The following SLCO2A1 variants were observed in gnomAD, a reference collection of about 807,000 sequenced individuals.
The protein encoded by SLCO2A1 is solute carrier organic anion transporter family member 2A1, also known as matrin F/G 1.
SLCO2A1 carries 60 observed loss-of-function variants against 71.7 expected under a neutral mutation model. The observed-to-expected ratio is 0.84, with a 90% CI of 0.68 to 1.04. The LOEUF (loss-of-function observed/expected upper bound fraction) is 1.04, where lower values mean the gene tolerates loss of function less well. Ranked by LOEUF, SLCO2A1 falls within the 50% of genes least tolerant of loss-of-function variation. SLCO2A1 has a pLI of 0.00. For synonymous variants in SLCO2A1, 308 were observed against 326.7 expected, an observed-to-expected ratio of 0.94 and a Z score of 0.62; for missense variants, 745 against 813.4, an observed-to-expected ratio of 0.92 and a Z score of 1.02.
intron 1 of SLCO2A1, among the ~76,000 whole-genome samples, chr3:134,009,122 G>A (rs1313525039): frequency 6.6e-6 from 1 of 152,152 alleles, no homozygotes; most frequent in Non-Finnish European, 1.5e-5. Flanking sequence ...CAGACTGTAG[G>A]GCTTTTTAAT....
chr3:133,937,666 C>T (rs1222992683), intron 12 of SLCO2A1, among the ~76,000 whole-genome samples: 2 of 152,322 alleles, frequency 1.3e-5, no homozygotes, highest in South Asian at 2.1e-4. Flanking sequence ...TCCATATTCC[C>T]CTCTGTAGTT....
Position 133,934,083 on chromosome 3 carries a change from G to A in SLCO2A1, c.*630C>T, listed in dbSNP as rs1294824101. On this transcript the variant is annotated 3_prime_UTR_variant, in exon 14 of 14. Transcript: ENST00000310926. ...TCTGGTGCCTGCATGCAGGTAATGG[G>A]CAGAGACTGTACTTCCCAACATGGC... The A allele has an allele frequency of 6.6e-6, 1 of 152,320 alleles. No homozygotes were observed. Among genetic ancestry groups the A allele is most frequent in the Non-Finnish European group, 1.5e-5 (1 of 68,134 alleles). 9.4% of individuals were successfully genotyped at this position (152,320 alleles called of 1,614,324 possible). A position where few individuals can be genotyped will look rare whatever the true frequency, so the allele number is the denominator to read the frequency against.
rs556416557 is a variant in SLCO2A1, at chr3:133,951,325, C to T, written c.744G>A (p.Pro248=). 28 of 1,613,978 alleles carry T rather than the reference C, an allele frequency of 1.7e-5. No individual in the cohort carries two copies. The East Asian group carries it at 2.0e-4, about 12-fold the overall frequency. Residue 248 remains proline, a synonymous_variant, in exon 6 of 14, where the codon CCG becomes CCA. Coordinates refer to ENST00000310926, the MANE Select transcript of SLCO2A1 (RefSeq NM_005630.3). ...RVNTAAVNLV[P]GDPRWIGAWW... The stretch of plus-strand genomic sequence containing the variant: ...AGGCTCCAATCCATCGGGGGTCACC[C>T]GGGACCAAGTTAACTGCAGCTGAAG...
intron 3 of SLCO2A1, among the ~76,000 whole-genome samples, chr3:133,965,958 C>T (rs140940972): frequency 1.5e-4 from 23 of 152,204 alleles, no homozygotes; most frequent in African/African-American, 4.8e-4. Flanking sequence ...TCTAGGAAAA[C>T]GAGTGACATG....
At chr3:133,967,007 C>T (rs937608745) in intron 3 of SLCO2A1, among the ~76,000 whole-genome samples, 1 of 152,202 alleles carries the variant, frequency 6.6e-6, no homozygotes, top group African/African-American at 2.4e-5. Context: ...GGAACAGAAG[C>T]CCGCTTTCCT....
At chr3:133,999,717 T>C (rs1305515292) in intron 1 of SLCO2A1, among the ~76,000 whole-genome samples, 2 of 151,738 alleles carry the variant, frequency 1.3e-5, no homozygotes, top group African/African-American at 4.9e-5. Context: ...AAAAAAGGGG[T>C]CATCCCTAGT....
intron 1 of SLCO2A1, among the ~76,000 whole-genome samples, chr3:133,980,397 G>A (rs904704753): frequency 2.0e-5 from 3 of 152,224 alleles, no homozygotes; most frequent in African/African-American, 7.2e-5. Context: ...ATGGTGGATG[G>A]GAACAGATAA....
chr3:133,967,324 GC>G lies in SLCO2A1; in HGVS notation c.397+6338del, dbSNP rs1934204020. On this transcript the variant is annotated intron_variant, in intron 3 of 13. Coordinates refer to ENST00000310926, the MANE Select transcript of SLCO2A1 (RefSeq NM_005630.3). ...GCCCACAAAAACAGATGATAGAAAAGCCTGACAGAGAGTCAGCTACTTTTAT... is the reference window on the plus strand; with the variant it reads ...GCCCACAAAAACAGATGATAGAAAAGCTGACAGAGAGTCAGCTACTTTTAT... Among the ~76,000 whole-genome samples the G allele has an allele frequency of 6.6e-5, 10 of 152,298 alleles. No individual in the cohort carries two copies. The South Asian group carries it at 2.1e-3, about 32-fold the overall frequency.
chr3:134,026,004 G>A (rs78451825), intron 1 of SLCO2A1, among the ~76,000 whole-genome samples: 11,252 of 152,204 alleles, frequency 0.074, 501 homozygotes, highest in Middle Eastern at 0.14. Context: ...TATGTATGTG[G>A]AGGAACTGTA....
At chr3:133,999,193 C>T (rs1234171698) in intron 1 of SLCO2A1, among the ~76,000 whole-genome samples, 1 of 152,200 alleles carries the variant, frequency 6.6e-6, no homozygotes, top group Non-Finnish European at 1.5e-5. Flanking sequence ...TGGAGATACA[C>T]TCCTGAAGAT....
intron 3 of SLCO2A1, among the ~76,000 whole-genome samples, chr3:133,962,985 A>T (rs891568411): frequency 6.6e-6 from 1 of 152,120 alleles, no homozygotes. Flanking sequence ...GGAAGGCTCA[A>T]GTTCATCAGA....
At chr3:134,017,178 C>T (rs1935471184) in intron 1 of SLCO2A1, among the ~76,000 whole-genome samples, 3 of 152,222 alleles carry the variant, frequency 2.0e-5, no homozygotes, top group African/African-American at 7.2e-5. Flanking sequence ...GAACTATACA[C>T]ACACTTGATA....
At chr3:134,012,764 T>C (rs1576459477) in intron 1 of SLCO2A1, among the ~76,000 whole-genome samples, 1 of 152,204 alleles carries the variant, frequency 6.6e-6, no homozygotes, top group Admixed American at 6.5e-5. Context: ...TTGCCTGCTC[T>C]CTGGGAGCCC....
At chr3:133,982,318 C>A (rs572688604) in intron 1 of SLCO2A1, among the ~76,000 whole-genome samples, 1 of 151,958 alleles carries the variant, frequency 6.6e-6, no homozygotes, top group South Asian at 2.1e-4. Context: ...GCCTGTAGAC[C>A]CCTTCTCTGG....
chr3:133,976,012 C>T (rs1185292799), intron 2 of SLCO2A1, among the ~76,000 whole-genome samples: 1 of 152,188 alleles, frequency 6.6e-6, no homozygotes, highest in African/African-American at 2.4e-5. Flanking sequence ...CTGTTCATTC[C>T]TGTTTCCCCA....
rs189287663 is a variant in SLCO2A1 at position 133,974,031 on chromosome 3, T to G, written c.235-206A>C. On this transcript the variant is annotated intron_variant, in intron 2 of 13. Coordinates refer to ENST00000310926, the MANE Select transcript of SLCO2A1 (RefSeq NM_005630.3). ...ATAAGCAATTTTGGTTTTCCCTCTG[T>G]TATCAGAAACCCTTCTGGGTCTCCA... Among the ~76,000 whole-genome samples the G allele has an allele frequency of 2.0e-5, 3 of 152,318 alleles. No individual in the cohort carries two copies. In the East Asian group the frequency reaches 5.8e-4, roughly 29 times the overall value.
chr3:133,979,541 G>A lies in SLCO2A1; in HGVS notation c.174C>T (p.Thr58=), dbSNP rs765133109. The A allele has an allele frequency of 5.2e-5, 84 of 1,614,014 alleles. No homozygotes were observed. In the East Asian group the frequency reaches 1.5e-3, roughly 28 times the overall value. ...YSAYFKSSLT[T]IEKRFGLSSS... ...TGGAGAGCCCAAAGCGCTTCTCAATGGTGGTGAGGCTGCTCTTGAAGTAGG... is the reference window on the plus strand; with the variant it reads ...TGGAGAGCCCAAAGCGCTTCTCAATAGTGGTGAGGCTGCTCTTGAAGTAGG... Residue 58 remains threonine, a synonymous_variant, in exon 2 of 14, where the codon ACC becomes ACT. Transcript: ENST00000310926.
At chr3:133,997,581 CCAA>C (rs1412011942) in intron 1 of SLCO2A1, among the ~76,000 whole-genome samples, 2 of 152,212 alleles carry the variant, frequency 1.3e-5, no homozygotes, top group Non-Finnish European at 2.9e-5. Context: ...CCACAAGTTT[CCAA>C]CAACTGCTAG....
intron 12 of SLCO2A1, among the ~76,000 whole-genome samples, chr3:133,936,826 C>G (rs1423235479): frequency 6.6e-6 from 1 of 152,198 alleles, no homozygotes; most frequent in Non-Finnish European, 1.5e-5. Flanking sequence ...TGCTCACTCT[C>G]AAGTCTCCAG....
Sources: gnomAD v4.1 joint callset for allele counts (sites outside exome capture counted in the v4.1 genomes callset) on GRCh38, gnomAD v4.1.1 for gene constraint, MANE v1.5 for transcripts, NCBI Gene and HGNC (gene_info 2026-07-23, HGNC 2026-07-21) for gene names.